Variants in CREBBP observed in about 807,000 individuals in gnomAD.
The protein encoded by CREBBP is CREB binding lysine acetyltransferase, also known as CREB-binding protein.
CREBBP carries 19 observed loss-of-function variants against 265.0 expected under a neutral mutation model. The observed-to-expected ratio is 0.07, with a 90% CI of 0.05 to 0.11. The LOEUF (loss-of-function observed/expected upper bound fraction) is 0.11, where lower values mean the gene tolerates loss of function less well. Among genes scored for constraint, CREBBP ranks in the 10% least tolerant of loss-of-function variants. The probability of loss-of-function intolerance (pLI) is 1.00; values close to 1 mark genes in which losing one functional copy is unlikely to be tolerated. For missense variants in CREBBP, 2,525 were observed against 3,219.0 expected, an observed-to-expected ratio of 0.78 and a Z score of 5.22; for synonymous variants, 1,457 against 1,223.7, an observed-to-expected ratio of 1.19 and a Z score of -3.98.
At chr16:3,753,984 C>T (rs966404811) in intron 19 of CREBBP, among the ~76,000 whole-genome samples, 5 of 152,108 alleles carry the variant, frequency 3.3e-5, no homozygotes, top group African/African-American at 1.2e-4. Context: ...AACCATAAAC[C>T]CATCCTTCCC....
chr16:3,769,118 ACAC>A, intron 15 of CREBBP, 53 bp downstream of exon 15: 1 of 1,602,316 alleles, frequency 6.2e-7, no homozygotes, highest in Non-Finnish European at 8.5e-7. Context: ...TCGCCCGAGG[ACAC>A]CTGGGTAAAG....
At chr16:3,751,854 A>T in intron 19 of CREBBP, 48 bp from the exon 20 acceptor site, 2 of 1,579,088 alleles carry the variant, frequency 1.3e-6, no homozygotes, top group Non-Finnish European at 1.7e-6. Context: ...ATCATAACAC[A>T]CAGCCACCCA....
intron 1 of CREBBP, among the ~76,000 whole-genome samples, chr16:3,863,874 C>T (rs978626330): frequency 1.3e-5 from 2 of 152,144 alleles, no homozygotes; most frequent in African/African-American, 4.8e-5. Flanking sequence ...ACAGTAATGA[C>T]CCAGCAGCCC....
At position 3,736,833 on chromosome 16, in the gene CREBBP, A is replaced by G. The variant is rs1469364516; in HGVS notation, c.4395-18T>C. 1 of 1,613,956 alleles carries G rather than the reference A, an allele frequency of 6.2e-7. No individual in the cohort carries two copies. Among genetic ancestry groups the G allele is most frequent in the Non-Finnish European group, 8.5e-7 (1 of 1,180,044 alleles). On this transcript the variant is annotated intron_variant, in intron 26 of 30. Transcript: ENST00000262367. The stretch of plus-strand genomic sequence containing the variant: ...TCACATACCTGCAGGACCCACGCAC[A>G]CACGTCAGATGAACGTGCCAGTGAA...
intron 16 of CREBBP, among the ~76,000 whole-genome samples, chr16:3,759,543 C>A (rs779531562): frequency 1.4e-4 from 20 of 146,888 alleles, no homozygotes; most frequent in Non-Finnish European, 2.4e-4. Context: ...GCCGAGATTG[C>A]GCCACTGCAC....
chr16:3,844,085 T>C (rs982048812), intron 2 of CREBBP, among the ~76,000 whole-genome samples: 7 of 141,872 alleles, frequency 4.9e-5, no homozygotes, highest in African/African-American at 1.6e-4. Flanking sequence ...GAGGCGGAGC[T>C]TGCAGTGAGC....
intron 1 of CREBBP, among the ~76,000 whole-genome samples, chr16:3,864,730 T>C (rs2055142999): frequency 6.6e-6 from 1 of 152,156 alleles, no homozygotes; most frequent in Non-Finnish European, 1.5e-5. Flanking sequence ...AATCACAAGC[T>C]GAAGAACAAC....
rs2141193531 is a variant in CREBBP, at chr16:3,769,422, C to T, written c.2881-69G>A. ...ATAAATGATCTTCAACTATGCTGCT[C>T]ATGCAACCTACAATTTCCCATTAAC... On this transcript the variant is annotated intron_variant, in intron 14 of 30. Transcript: ENST00000262367. 10 of 1,566,132 alleles carry T rather than the reference C, an allele frequency of 6.4e-6. 1 individual carries two copies. In the South Asian group the frequency reaches 1.1e-4, roughly 17 times the overall value.
At position 3,757,963 on chromosome 16, in the gene CREBBP, T is replaced by G. The variant is rs2052625693; in HGVS notation, c.3455A>C (p.Gln1152Pro). Reference sequence around the variant, plus strand: ...CATGAGCCAGACGTCGTCCACGTACTGCCAGGGCTCTTGGTATTGCCCTGT... The same window carrying G: ...CATGAGCCAGACGTCGTCCACGTACGGCCAGGGCTCTTGGTATTGCCCTGT... ...LDTGQYQEPW[Q>P]YVDDVWLMFN... Residue 1152 changes from glutamine (Q) to proline (P), a missense_variant, in exon 18 of 31, where the codon CAG becomes CCG. By Grantham distance (76) the Gln-to-Pro change is moderately conservative. Transcript: ENST00000262367. The G allele has an allele frequency of 6.2e-7, 1 of 1,613,798 alleles. No individual in the cohort carries two copies. Among genetic ancestry groups the G allele is most frequent in the South Asian group, 1.1e-5 (1 of 91,084 alleles).
In CREBBP at chr16:3,728,609, C is replaced by A. The variant is rs1216936753; in HGVS notation, c.6438G>T (p.Gln2146His). Residue 2146 changes from glutamine (Q) to histidine (H), a missense_variant, in exon 31 of 31, where the codon CAG becomes CAT. Gln to His is a conservative substitution (Grantham distance 24). Coordinates refer to ENST00000262367, the MANE Select transcript of CREBBP (RefSeq NM_004380.3). The surrounding 1 kb of genome is among the most constrained non-coding windows in gnomAD (Gnocchi z 8.7). ...QPSLQNLNAMQAGVPRPGVPP... is the reference protein window; with the variant it reads ...QPSLQNLNAMHAGVPRPGVPP... ...GCACACCGGGCCGCGGCACGCCAGC[C>A]TGCATGGCATTCAGGTTCTGCAGGC... The A allele has an allele frequency of 6.2e-7, 1 of 1,613,770 alleles. No homozygotes were observed.
rs2051848262 is a variant in CREBBP at position 3,729,363 on chromosome 16, T to C, written c.5684A>G (p.Gln1895Arg). Residue 1895 changes from glutamine (Q) to arginine (R), a missense_variant, in exon 31 of 31, where the codon CAG becomes CGG. Around this residue, in one of 19 missense-constraint regions of CREBBP, gnomAD observed 275 missense variants for 276.5 expected, o/e 0.99. Coordinates refer to ENST00000262367, the MANE Select transcript of CREBBP (RefSeq NM_004380.3). ...CGGCGTCTGGGGTGTGCTGGGCTGC[T>C]GTGTGGGGGTCCCGGGCGGTGCTGA... The part of the protein sequence containing the change: ...PTSAPPGTPT[Q>R]QPSTPQTPQP... 1 of 1,606,426 alleles carries C rather than the reference T, an allele frequency of 6.2e-7. No individual in the cohort carries two copies. The highest frequency in any genetic ancestry group is 8.5e-7 in the Non-Finnish European group (1 of 1,178,918).
At chr16:3,824,678 G>C (rs373534456) in intron 2 of CREBBP, among the ~76,000 whole-genome samples, 1 of 152,152 alleles carries the variant, frequency 6.6e-6, no homozygotes, top group African/African-American at 2.4e-5. Flanking sequence ...GAGCCCACAC[G>C]CGGCGGCAGC....
chr16:3,865,808 T>C (rs2055166750), intron 1 of CREBBP, among the ~76,000 whole-genome samples: 1 of 152,098 alleles, frequency 6.6e-6, no homozygotes, highest in Non-Finnish European at 1.5e-5. Flanking sequence ...CCGGCTAATT[T>C]TTGTATTTTA....
intron 23 of CREBBP, among the ~76,000 whole-genome samples, chr16:3,744,580 GAGCTCTGTGCTCAGC>G (rs2052295940): frequency 1.3e-5 from 2 of 152,192 alleles, no homozygotes; most frequent in South Asian, 4.1e-4. Context: ...GTCCTGCTCT[GAGCTCTGTGCTCAGC>G]AGCCCCGTGG....
At chr16:3,819,543 G>A (rs190181073) in intron 2 of CREBBP, among the ~76,000 whole-genome samples, 1 of 152,318 alleles carries the variant, frequency 6.6e-6, no homozygotes, top group African/African-American at 2.4e-5. Flanking sequence ...TAGGACGATA[G>A]GGAGAGGCCG....
At position 3,731,963 on chromosome 16, in the gene CREBBP, A is replaced by G. The variant is rs1406794082; in HGVS notation, c.4729-26T>C. The G allele has an allele frequency of 5.0e-6, 8 of 1,613,982 alleles. No individual in the cohort carries two copies. Among genetic ancestry groups the G allele is most frequent in the African/African-American group, 2.7e-5 (2 of 74,910 alleles). ...CTGCAACAACACGCAAGGCTGTGAGACCAGGCAAGTGCCCCTCCACACTTG... is the reference window on the plus strand; with the variant it reads ...CTGCAACAACACGCAAGGCTGTGAGGCCAGGCAAGTGCCCCTCCACACTTG... On this transcript the variant is annotated intron_variant, in intron 28 of 30. Transcript: ENST00000262367. This position sits in a 1 kb window ranked among gnomAD's most constrained non-coding sequence, Gnocchi z 7.7.
intron 1 of CREBBP, among the ~76,000 whole-genome samples, chr16:3,867,749 A>C (rs1451132356): frequency 6.8e-6 from 1 of 146,360 alleles, no homozygotes; most frequent in Non-Finnish European, 1.5e-5. Flanking sequence ...AAGACCCCGT[A>C]TCTCTACTAA....
chr16:3,808,953 G>A (rs1415877651), intron 3 of CREBBP, among the ~76,000 whole-genome samples: 3 of 152,172 alleles, frequency 2.0e-5, no homozygotes, highest in Admixed American at 6.5e-5. Flanking sequence ...GGTCAGTACC[G>A]TTCCCTGAAC....
chr16:3,842,029 G>C (rs952207902), intron 2 of CREBBP, among the ~76,000 whole-genome samples: 2 of 152,004 alleles, frequency 1.3e-5, no homozygotes, highest in Non-Finnish European at 2.9e-5. Flanking sequence ...TTTACTCCAG[G>C]AACACCTCCA....
Sources: allele counts gnomAD v4.1 joint callset (sites outside exome capture counted in the v4.1 genomes callset), GRCh38; gene constraint gnomAD v4.1.1; regional missense constraint gnomAD v4.1.1; non-coding constraint Gnocchi (gnomAD v3.1); transcripts MANE v1.5; gene names NCBI Gene and HGNC (gene_info 2026-07-23, HGNC 2026-07-21).